ZNF347: variants seen among roughly 807,000 people sequenced by gnomAD.
The protein encoded by ZNF347 is CTD-2620I22.7.
ZNF347 carries 19 observed loss-of-function variants against 12.9 expected under a neutral mutation model. The observed-to-expected ratio is 1.47, with a 90% CI of 1.03 to 2.16. ZNF347 has a LOEUF of 2.16. Ranked by LOEUF, ZNF347 falls within the 30% of genes most tolerant of loss-of-function variation. The pLI is 0.00. For synonymous variants in ZNF347, 328 were observed against 340.6 expected, an observed-to-expected ratio of 0.96 and a Z score of 0.41; for missense variants, 1,005 against 990.6, an observed-to-expected ratio of 1.01 and a Z score of -0.19.
chr19:53,156,046 G>C (rs1164786747), intron 1 of ZNF347, among the ~76,000 whole-genome samples: 2 of 71,304 alleles, frequency 2.8e-5, no homozygotes, highest in Non-Finnish European at 5.6e-5. Context: ...CTCCCAGCTC[G>C]GGGGGGGGGG....
chr19:53,153,617 T>C lies in ZNF347; in HGVS notation c.15+116A>G. ...GGGACTGAGGGAAGGCACGCGTAAGTGCGAGCAAACCTGTCAGGCAGGACG... is the reference window on the plus strand; with the variant it reads ...GGGACTGAGGGAAGGCACGCGTAAGCGCGAGCAAACCTGTCAGGCAGGACG... On this transcript the variant is annotated intron_variant, in intron 2 of 4. Coordinates refer to ENST00000334197, the MANE Select transcript of ZNF347 (RefSeq NM_032584.3). The C allele has an allele frequency of 2.7e-6, 4 of 1,472,314 alleles. 1 individual carries two copies. Among genetic ancestry groups the C allele is most frequent in the South Asian group, 1.1e-5 (1 of 87,708 alleles). The allele number at this position is 1,472,314 out of a possible 1,614,324, so 91.2% of individuals were successfully genotyped here.
rs776633298 is a variant in ZNF347, at chr19:53,141,657, G to C, written c.1171C>G (p.His391Asp). ...TTTTCTCCACTGTGGGTTGCCTGAT[G>C]GATAGCTAAGCTTGAACGAGCTCTA... ...AFRARSSLAI[H>D]QATHSGEKPY... The change falls in exon 5 of 5, where the codon CAT becomes GAT. Residue 391 changes from histidine to aspartate, a missense_variant. By Grantham distance (81) the His-to-Asp change is moderately conservative (BLOSUM62 -1). Transcript: ENST00000334197. The C allele has an allele frequency of 1.2e-6, 2 of 1,614,008 alleles. No individual in the cohort carries two copies. The highest frequency in any genetic ancestry group is 2.2e-5 in the South Asian group (2 of 91,062).
intron 3 of ZNF347, 196 bp downstream of exon 3, chr19:53,149,045 A>G: frequency 8.2e-7 from 1 of 1,224,892 alleles, no homozygotes; most frequent in Non-Finnish European, 1.1e-6. Flanking sequence ...TGGATATTTT[A>G]AAAGTCCTGA....
chr19:53,158,967 C>T (rs1417786545), intron 1 of ZNF347, 42 bp downstream of exon 1: 1 of 151,578 alleles, frequency 6.6e-6, no homozygotes, highest in Non-Finnish European at 1.5e-5. Flanking sequence ...GGAAACGGGG[C>T]ACGGCGGTTC....
At chr19:53,149,389 C>T in intron 2 of ZNF347, 22 bp from the exon 3 acceptor site, 8 of 1,612,984 alleles carry the variant, frequency 5.0e-6, no homozygotes, top group Non-Finnish European at 6.8e-6. Flanking sequence ...AACACATCCA[C>T]CAGGGGGATA....
intron 2 of ZNF347, among the ~76,000 whole-genome samples, chr19:53,150,912 G>T (rs1316531709): frequency 6.6e-6 from 1 of 152,016 alleles, no homozygotes; most frequent in African/African-American, 2.4e-5. Flanking sequence ...GCTAATTTTT[G>T]TATTTTTAGT....
At chr19:53,156,121 G>A (rs372807338) in intron 1 of ZNF347, among the ~76,000 whole-genome samples, 5 of 151,152 alleles carry the variant, frequency 3.3e-5, no homozygotes, top group East Asian at 2.0e-4. Context: ...AGCATGGGCC[G>A]GGCACAGTGG....
In ZNF347 at chr19:53,141,206, T is replaced by A. The variant is rs762167731; in HGVS notation, c.1622A>T (p.Tyr541Phe). 1.2e-5 allele frequency: 19 copies of A among 1,608,470 alleles called. No individual in the cohort carries two copies. The highest frequency in any genetic ancestry group is 1.3e-5 in the Non-Finnish European group (15 of 1,175,802). Residue 541 changes from tyrosine (Y) to phenylalanine (F), a missense_variant, in exon 5 of 5, where the codon TAT becomes TTT. Physicochemically the swap from Tyr to Phe is conservative, Grantham distance 22. Coordinates refer to ENST00000334197, the MANE Select transcript of ZNF347 (RefSeq NM_032584.3). ...GGCTTTGCCGCACTCATTACACATA[T>A]AAGGCTTCACTCCAGTATGAATTCT... ...HQRIHTGVKPYMCNECGKAFS... is the reference protein window; with the variant it reads ...HQRIHTGVKPFMCNECGKAFS...
chr19:53,142,578 A>C (rs756510567), intron 4 of ZNF347, 22 bp from the exon 5 acceptor site: 1 of 1,502,344 alleles, frequency 6.7e-7, no homozygotes, highest in Admixed American at 2.5e-5. Flanking sequence ...AAAGATCCAT[A>C]GGTTTCCAAT....
rs576893004 is a variant in ZNF347 at position 53,154,096 on chromosome 19, T to C, written c.-46-303A>G. Reference sequence around the variant, plus strand: ...AGCTGGGCTGGACTGAGCTCCCCCATTCAGGGCACAGACCAAGCCCTGACC... The same window carrying C: ...AGCTGGGCTGGACTGAGCTCCCCCACTCAGGGCACAGACCAAGCCCTGACC... On this transcript the variant is annotated intron_variant, in intron 1 of 4. Transcript: ENST00000334197. Among the ~76,000 whole-genome samples the C allele has an allele frequency of 1.7e-3, 261 of 152,214 alleles. 1 individual carries two copies. Among genetic ancestry groups the C allele is most frequent in the African/African-American group, 5.8e-3 (241 of 41,546 alleles).
intron 1 of ZNF347, among the ~76,000 whole-genome samples, chr19:53,156,919 T>C (rs2090539587): frequency 6.6e-6 from 1 of 152,156 alleles, no homozygotes; most frequent in South Asian, 2.1e-4. Context: ...GAACGGGTTG[T>C]TGGTGGGAGA....
rs2090483463 is a variant in ZNF347, at chr19:53,149,356, T to C, written c.27A>G (p.Thr9=). 22 of 1,613,778 alleles carry C rather than the reference T, an allele frequency of 1.4e-5. No homozygotes were observed. Among genetic ancestry groups the C allele is most frequent in the Non-Finnish European group, 1.7e-5 (20 of 1,179,880 alleles). ...AGAATTCTATAGCCACATCCCTGAA[T>C]GTCACCTGTCCCTAAAATGAAAAAC... is the stretch of plus-strand genomic sequence containing the variant. MALTQGQV[T]FRDVAIEFSQ... is the part of the protein sequence containing the mutation. Residue 9 remains threonine, a synonymous_variant, in exon 3 of 5, where the codon ACA becomes ACG. Coordinates refer to ENST00000334197, the MANE Select transcript of ZNF347 (RefSeq NM_032584.3).
intron 1 of ZNF347, among the ~76,000 whole-genome samples, chr19:53,156,884 C>G (rs896707043): frequency 4.6e-5 from 7 of 152,092 alleles, no homozygotes; most frequent in East Asian, 1.9e-4. Flanking sequence ...TTAAACTATA[C>G]GACACTCAGT....
intron 1 of ZNF347, among the ~76,000 whole-genome samples, chr19:53,155,294 CTGTGTGTGTGTGTGTG>C (rs61275588): frequency 1.6e-4 from 23 of 141,818 alleles, no homozygotes; most frequent in African/African-American, 4.7e-4. Flanking sequence ...AGACTTTATT[CTGTGTGTGTGTGTGTG>C]TGTGTGTGTG....
Position 53,135,327 on chromosome 19 carries a change from T to TAGAGAGAGAGAGAG in ZNF347, c.*4980_*4981insCTCTCTCTCTCTCT, listed in dbSNP as rs1568632525. On this transcript the variant is annotated 3_prime_UTR_variant, in exon 5 of 5. Transcript: ENST00000334197. ...ATATATATATATATATATATATATA[T>TAGAGAGAGAGAGAG]ATATATATATATAGAGAGAGAGAGA... is the stretch of plus-strand genomic sequence containing the variant. 1 of 42,644 alleles carries TAGAGAGAGAGAGAG rather than the reference T, an allele frequency of 2.3e-5. No homozygotes were observed. Among genetic ancestry groups the TAGAGAGAGAGAGAG allele is most frequent in the African/African-American group, 8.0e-5 (1 of 12,430 alleles). 2.6% of individuals were successfully genotyped at this position (42,644 alleles called of 1,614,324 possible). A position where few individuals can be genotyped will look rare whatever the true frequency, so the allele number is the denominator to read the frequency against.
rs780682738 is a variant in ZNF347, at chr19:53,140,714, C to T, written c.2114G>A (p.Gly705Glu). Residue 705 changes from glycine to glutamate, a missense_variant, in exon 5 of 5, where the codon GGA (glycine) becomes GAA (glutamate). Transcript: ENST00000334197. The stretch of plus-strand genomic sequence containing the variant: ...CTGATTACACTCATATGGTTTCTCT[C>T]CAGTATGAACTCTCTGATGCCTTGC... ...KLARHQRVHT[G>E]EKPYECNQCG... The T allele has an allele frequency of 6.2e-7, 1 of 1,613,400 alleles. No individual in the cohort carries two copies. The highest frequency in any genetic ancestry group is 8.5e-7 in the Non-Finnish European group (1 of 1,179,684).
intron 4 of ZNF347, among the ~76,000 whole-genome samples, chr19:53,143,151 C>CT (rs552341950): frequency 6.6e-6 from 1 of 151,956 alleles, no homozygotes; most frequent in African/African-American, 2.4e-5. Context: ...GTTTTAGTTT[C>CT]TTTTTTTGCA....
intron 3 of ZNF347, 143 bp from the exon 4 acceptor site, chr19:53,148,952 G>T (rs1386647358): frequency 1.6e-6 from 2 of 1,217,722 alleles, no homozygotes; most frequent in African/African-American, 1.5e-5. Context: ...TTTATAAATT[G>T]TTAGGAAACA....
Position 53,141,958 on chromosome 19 carries a change from T to G in ZNF347, c.870A>C (p.Lys290Asn), listed in dbSNP as rs751153596. 44 of 1,613,758 alleles carry G rather than the reference T, an allele frequency of 2.7e-5. No homozygotes were observed. Among genetic ancestry groups the G allele is most frequent in the Non-Finnish European group, 3.6e-5 (42 of 1,179,954 alleles). The change falls in exon 5 of 5, where the codon AAA becomes AAC. Residue 290 changes from lysine to asparagine, a missense_variant. Coordinates refer to ENST00000334197, the MANE Select transcript of ZNF347 (RefSeq NM_032584.3). ...TAAAGGCTTTGCCACACTCATAACA[T>G]TTGTAAGGTTTCTCTTTAGTATGAC... ...QRSHTKEKPY[K>N]CYECGKAFRT...
Sources: allele counts gnomAD v4.1 joint callset (sites outside exome capture counted in the v4.1 genomes callset), GRCh38; gene constraint gnomAD v4.1.1; transcripts MANE v1.5; gene names NCBI Gene and HGNC (gene_info 2026-07-23, HGNC 2026-07-21).